Variants in ADAMTS16 observed in about 807,000 individuals in gnomAD.
The protein encoded by ADAMTS16 is ADAM metallopeptidase with thrombospondin type 1 motif 16.
A neutral mutation model predicts 145.8 loss-of-function variants in ADAMTS16; 94 were observed. The ratio of observed to expected loss-of-function variants is 0.64; its 90% CI spans 0.55 to 0.77. The LOEUF (loss-of-function observed/expected upper bound fraction) is 0.77, where lower values mean the gene tolerates loss of function less well. ADAMTS16 is among the 30% of genes least tolerant of loss of function. ADAMTS16 has a pLI of 0.00. For missense variants in ADAMTS16, 1,585 were observed against 1,591.5 expected (o/e 1.00, Z 0.07); for synonymous variants, 659 against 604.3 (o/e 1.09, Z -1.33).
intron 9 of ADAMTS16, among the ~76,000 whole-genome samples, chr5:5,205,367 C>T (rs1736072300): frequency 6.6e-6 from 1 of 151,662 alleles, no homozygotes; most frequent in East Asian, 1.9e-4. Flanking sequence ...TGTTCTTCCA[C>T]ATGATCTCCT....
At position 5,191,768 on chromosome 5, in the gene ADAMTS16, A is replaced by G. The variant is rs758579384; in HGVS notation, c.1291A>G (p.Ile431Val). The change falls in exon 8 of 23, where the codon ATT becomes GTT. Residue 431 changes from isoleucine to valine, a missense_variant. Ile to Val is a conservative substitution (Grantham distance 29). Transcript: ENST00000274181. ...EDTGLGLAFT[I>V]AHESGHNFGM... ...TACAGGTCTTGGACTGGCCTTCACC[A>G]TTGCCCATGAGTCTGGACACAAGTA... The G allele has an allele frequency of 1.2e-6, 2 of 1,613,312 alleles. No homozygotes were observed. Among genetic ancestry groups the G allele is most frequent in the Middle Eastern group, 1.7e-4 (1 of 6,056 alleles).
rs1734116162 is a variant in ADAMTS16 at position 5,140,346 on chromosome 5, C to T, written c.-122C>T. 3 of 1,002,112 alleles carry T rather than the reference C, an allele frequency of 3.0e-6. No individual in the cohort carries two copies. Among genetic ancestry groups the T allele is most frequent in the African/African-American group, 3.5e-5 (2 of 57,890 alleles). 62.1% of individuals were successfully genotyped at this position (1,002,112 alleles called of 1,614,324 possible). A position where few individuals can be genotyped will look rare whatever the true frequency, so the allele number is the denominator to read the frequency against. On this transcript the variant is annotated 5_prime_UTR_variant, in exon 1 of 23. Coordinates refer to ENST00000274181, the MANE Select transcript of ADAMTS16 (RefSeq NM_139056.4). The stretch of plus-strand genomic sequence containing the variant: ...CGGAGCTTCAGTAATAACCCCGGCG[C>T]GGCGGCGGAGTCGCTGTGGGGAATC...
intron 19 of ADAMTS16, 24 bp from the exon 20 acceptor site, chr5:5,303,548 G>A (rs1739886109): frequency 6.2e-7 from 1 of 1,611,752 alleles, no homozygotes; most frequent in South Asian, 1.1e-5. Context: ...CTCACTGGGT[G>A]CTTATCCTGA....
intron 10 of ADAMTS16, among the ~76,000 whole-genome samples, chr5:5,212,237 T>C (rs1736293315): frequency 7.0e-6 from 1 of 142,656 alleles, no homozygotes; most frequent in African/African-American, 2.5e-5. Flanking sequence ...AGATGGAGTC[T>C]TGCTCTGTCA....
chr5:5,224,339 G>C (rs1736691779), intron 11 of ADAMTS16, among the ~76,000 whole-genome samples: 1 of 152,010 alleles, frequency 6.6e-6, no homozygotes, highest in Non-Finnish European at 1.5e-5. Flanking sequence ...ACCCAGGTTG[G>C]AGTGCAGTGG....
intron 18 of ADAMTS16, among the ~76,000 whole-genome samples, chr5:5,271,093 T>G (rs1056187321): frequency 2.6e-5 from 4 of 152,218 alleles, no homozygotes; most frequent in African/African-American, 7.2e-5. Context: ...GCCTTATCAC[T>G]TTTAACTTAA....
At chr5:5,252,461 T>G (rs1737658269) in intron 17 of ADAMTS16, among the ~76,000 whole-genome samples, 2 of 152,110 alleles carry the variant, frequency 1.3e-5, no homozygotes, top group African/African-American at 2.4e-5. Context: ...TTACGACCTT[T>G]GAAAGGTGAG....
intron 17 of ADAMTS16, among the ~76,000 whole-genome samples, chr5:5,251,440 T>C (rs1310329642): frequency 1.3e-5 from 2 of 152,272 alleles, no homozygotes; most frequent in African/African-American, 4.8e-5. Flanking sequence ...AATGCTTCTA[T>C]ACTCCAAAGA....
chr5:5,253,480 G>A (rs1365985700), intron 17 of ADAMTS16, among the ~76,000 whole-genome samples: 1 of 152,162 alleles, frequency 6.6e-6, no homozygotes, highest in Non-Finnish European at 1.5e-5. Flanking sequence ...TCAGATATGC[G>A]TTTGTCTCAG....
chr5:5,264,120 A>T (rs1301508830), intron 18 of ADAMTS16, among the ~76,000 whole-genome samples: 4 of 152,132 alleles, frequency 2.6e-5, no homozygotes, highest in Non-Finnish European at 4.4e-5. Context: ...GGCCATATGT[A>T]CTATTGGAAA....
intron 17 of ADAMTS16, among the ~76,000 whole-genome samples, chr5:5,252,148 C>T (rs375254305): frequency 1.3e-5 from 2 of 152,256 alleles, no homozygotes; most frequent in African/African-American, 2.4e-5. Flanking sequence ...CGTGCCTGGC[C>T]GTCGGTGCTT....
chr5:5,314,008 T>G (rs934753013), intron 21 of ADAMTS16, among the ~76,000 whole-genome samples: 4 of 152,182 alleles, frequency 2.6e-5, no homozygotes, highest in African/African-American at 9.7e-5. Context: ...CCTCCTGGGT[T>G]TGAGGGAGTT....
intron 18 of ADAMTS16, among the ~76,000 whole-genome samples, chr5:5,274,447 G>A (rs1233858031): frequency 1.3e-5 from 2 of 152,040 alleles, no homozygotes; most frequent in Admixed American, 1.3e-4. Flanking sequence ...CATATAGTTG[G>A]AATCATACAG....
At chr5:5,244,056 G>T (rs774063732) in intron 17 of ADAMTS16, among the ~76,000 whole-genome samples, 12 of 152,182 alleles carry the variant, frequency 7.9e-5, no homozygotes, top group Non-Finnish European at 1.8e-4. Flanking sequence ...TGGAGTACAG[G>T]ATGTCTGTAT....
At position 5,188,749 on chromosome 5, in the gene ADAMTS16, G is replaced by A. The variant is rs558270637; in HGVS notation, c.1047+941G>A. 2.6e-5 allele frequency among the ~76,000 whole-genome samples: 4 copies of A among 152,268 alleles called. No homozygotes were observed. The South Asian group carries it at 8.3e-4, about 32-fold the overall frequency. On this transcript the variant is annotated intron_variant, in intron 6 of 22. Coordinates refer to ENST00000274181, the MANE Select transcript of ADAMTS16 (RefSeq NM_139056.4). ...TGCTCTTTTTCTGTGCATGGTGGGGGCATGTGTGGACAGGGCTATTTCTAG... is the reference window on the plus strand; with the variant it reads ...TGCTCTTTTTCTGTGCATGGTGGGGACATGTGTGGACAGGGCTATTTCTAG...
intron 18 of ADAMTS16, among the ~76,000 whole-genome samples, chr5:5,279,251 T>C (rs750491755): frequency 7.9e-5 from 12 of 152,330 alleles, no homozygotes; most frequent in Middle Eastern, 3.4e-3. Flanking sequence ...ATCTTCTGAC[T>C]GCCTCCAAGG....
At position 5,303,638 on chromosome 5, in the gene ADAMTS16, G is replaced by T. The variant is rs1251889082; in HGVS notation, c.3058G>T (p.Ala1020Ser). 2 of 1,614,000 alleles carry T rather than the reference G, an allele frequency of 1.2e-6. No homozygotes were observed. The highest frequency in any genetic ancestry group is 1.7e-6 in the Non-Finnish European group (2 of 1,180,046). ...AVACKSTNPS[A>S]RAQLLPDAVC... is the part of the protein sequence containing the mutation. Reference sequence around the variant, plus strand: ...GGCCTGTAAGAGCACCAACCCCTCGGCCAGAGCGCAGCTGCTGCCCGACGC... The same window carrying T: ...GGCCTGTAAGAGCACCAACCCCTCGTCCAGAGCGCAGCTGCTGCCCGACGC... Residue 1020 changes from alanine (A) to serine (S), a missense_variant, in exon 20 of 23, where the codon GCC becomes TCC. Around this residue, in one of 3 missense-constraint regions of ADAMTS16, gnomAD observed 834 missense variants for 811.7 expected, o/e 1.03. Transcript: ENST00000274181.
chr5:5,314,482 G>T (rs544251198), intron 21 of ADAMTS16, among the ~76,000 whole-genome samples: 1 of 152,198 alleles, frequency 6.6e-6, no homozygotes, highest in Non-Finnish European at 1.5e-5. Context: ...TTAAGCCATC[G>T]TATTTGGGAG....
chr5:5,140,862 C>G, intron 2 of ADAMTS16, 96 bp downstream of exon 2: 3 of 1,170,940 alleles, frequency 2.6e-6, no homozygotes, highest in Non-Finnish European at 3.4e-6. Flanking sequence ...GTTCACGACT[C>G]TGTGGAACCC....
Sources: gnomAD v4.1 joint callset for allele counts (sites outside exome capture counted in the v4.1 genomes callset) on GRCh38, gnomAD v4.1.1 for gene constraint, gnomAD v4.1.1 regional missense constraint, MANE v1.5 for transcripts, NCBI Gene and HGNC (gene_info 2026-07-23, HGNC 2026-07-21) for gene names.